Variants in NSL1 observed in about 807,000 individuals in gnomAD.
NSL1 encodes kinetochore-associated protein NSL1 homolog.
Under a neutral mutation model 25.4 loss-of-function variants are expected in NSL1, and 11 were observed. That is an observed-to-expected ratio of 0.43 (90% CI 0.27 to 0.72). The LOEUF (loss-of-function observed/expected upper bound fraction) is 0.72. Among genes scored for constraint, NSL1 ranks in the 30% least tolerant of loss-of-function variants. The pLI, the probability that NSL1 is intolerant of heterozygous loss-of-function variation, is 0.19. For missense variants in NSL1, 330 were observed against 342.7 expected, an observed-to-expected ratio of 0.96 and a Z score of 0.29; for synonymous variants, 118 against 120.6, an observed-to-expected ratio of 0.98 and a Z score of 0.14.
intron 2 of NSL1, among the ~76,000 whole-genome samples, chr1:212,786,235 G>A (rs1571924847): frequency 6.6e-6 from 1 of 152,116 alleles, no homozygotes; most frequent in Middle Eastern, 3.4e-3. Context: ...TGAGATTTTA[G>A]TGCACTCATC....
At chr1:212,778,570 C>T (rs1197040585) in intron 4 of NSL1, among the ~76,000 whole-genome samples, 1 of 152,140 alleles carries the variant, frequency 6.6e-6, no homozygotes, top group Non-Finnish European at 1.5e-5. Context: ...GACTGGTTTT[C>T]GTATTTTTTT....
At chr1:212,739,447 C>A in intron 5 of NSL1, 87 bp downstream of exon 5, 1 of 1,202,116 alleles carries the variant, frequency 8.3e-7, no homozygotes, top group South Asian at 1.4e-5. Flanking sequence ...CCTGTTAGAG[C>A]AGACTAAAAC....
chr1:212,753,743 T>C (rs1002677332), intron 4 of NSL1, among the ~76,000 whole-genome samples: 1 of 152,180 alleles, frequency 6.6e-6, no homozygotes, highest in Admixed American at 6.5e-5. Flanking sequence ...AAATATAATA[T>C]TAAAAAACTC....
rs377679385 is a variant in NSL1 at position 212,740,407 on chromosome 1, CA to C, written c.500-807del. On this transcript the variant is annotated intron_variant, in intron 4 of 5. Transcript: ENST00000366977. ...CATTTAGAAAAATGGAAATGAACCA[CA>C]AAAACAGCTTACTGAAAGAGGGCAC... 3.5e-3 allele frequency among the ~76,000 whole-genome samples: 533 copies of C among 152,086 alleles called. 7 individuals carry two copies. The highest frequency in any genetic ancestry group is 0.012 in the African/African-American group (510 of 41,498).
At chr1:212,768,900 C>G (rs1197096458) in intron 4 of NSL1, among the ~76,000 whole-genome samples, 1 of 152,036 alleles carries the variant, frequency 6.6e-6, no homozygotes, top group Non-Finnish European at 1.5e-5. Flanking sequence ...CAGACTAGAT[C>G]TAGCAGAATA....
Position 212,791,712 on chromosome 1 carries a change from G to C in NSL1, c.52C>G (p.Leu18Val). The change falls in exon 1 of 6, where the codon CTC becomes GTC. Residue 18 changes from leucine to valine, a missense_variant. Transcript: ENST00000366977. ...VVLDPPWDKE[L>V]AAGTESQALV... ...GCCTGGCTCTCTGTGCCAGCCGCGAGCTCCTTGTCCCATGGAGGGTCAAGG... is the reference window on the plus strand; with the variant it reads ...GCCTGGCTCTCTGTGCCAGCCGCGACCTCCTTGTCCCATGGAGGGTCAAGG... 1.2e-6 allele frequency: 2 copies of C among 1,613,906 alleles called. No homozygotes were observed. The highest frequency in any genetic ancestry group is 1.7e-6 in the Non-Finnish European group (2 of 1,179,944).
Position 212,730,893 on chromosome 1 carries a change from G to A in NSL1, c.*7515C>T, listed in dbSNP as rs548306332. The stretch of plus-strand genomic sequence containing the variant: ...TATAAATGCCACAAGCCATTAATGT[G>A]TGAGATTGTGATCCAGGGAAACCGA... On this transcript the variant is annotated 3_prime_UTR_variant, in exon 6 of 6. Transcript: ENST00000366977. The A allele has an allele frequency of 3.3e-5, 33 of 985,398 alleles. No individual in the cohort carries two copies. Among genetic ancestry groups the A allele is most frequent in the Admixed American group, 1.8e-4 (3 of 16,282 alleles). The allele number at this position is 985,398 out of a possible 1,614,324, so 61.0% of individuals were successfully genotyped here. A position where few individuals can be genotyped will look rare whatever the true frequency, so the allele number is the denominator to read the frequency against.
chr1:212,735,894 A>G lies in NSL1; in HGVS notation c.*2514T>C. ...TCTAGCCTCCAGAACTGTGAGAAGT[A>G]AGTATCTGTTGTTTAAGCCACCCAG... On this transcript the variant is annotated 3_prime_UTR_variant, in exon 6 of 6. Coordinates refer to ENST00000366977, the MANE Select transcript of NSL1 (RefSeq NM_015471.4). The G allele has an allele frequency of 1.1e-6, 1 of 934,210 alleles. No homozygotes were observed. The highest frequency in any genetic ancestry group is 1.8e-5 in the African/African-American group (1 of 56,364). 57.9% of individuals were successfully genotyped at this position (934,210 alleles called of 1,614,324 possible). A position where few individuals can be genotyped will look rare whatever the true frequency, so the allele number is the denominator to read the frequency against.
chr1:212,756,593 G>A (rs1049584420), intron 4 of NSL1, among the ~76,000 whole-genome samples: 1 of 152,194 alleles, frequency 6.6e-6, no homozygotes, highest in African/African-American at 2.4e-5. Context: ...GCCGAGGTGG[G>A]AGGATCACCC....
chr1:212,782,892 T>C (rs1269864279), intron 3 of NSL1, among the ~76,000 whole-genome samples: 2 of 152,144 alleles, frequency 1.3e-5, no homozygotes, highest in East Asian at 3.8e-4. Flanking sequence ...GAAATTATAG[T>C]AGCAGAATTA....
Position 212,730,273 on chromosome 1 carries a change from G to A in NSL1, c.*8135C>T, listed in dbSNP as rs150953024. On this transcript the variant is annotated 3_prime_UTR_variant, in exon 6 of 6. Transcript: ENST00000366977. ...AAAAAAAAAAAAAAAAAAGAAATGC[G>A]CCAAGTCTCAGGTATTTATGGACTG... 1.2e-5 allele frequency: 6 copies of A among 510,184 alleles called. No homozygotes were observed. Among genetic ancestry groups the A allele is most frequent in the South Asian group, 8.5e-5 (1 of 11,824 alleles). 31.6% of individuals were successfully genotyped at this position (510,184 alleles called of 1,614,324 possible).
intron 2 of NSL1, among the ~76,000 whole-genome samples, chr1:212,784,921 T>G (rs1307469751): frequency 6.6e-6 from 1 of 151,988 alleles, no homozygotes; most frequent in African/African-American, 2.4e-5. Context: ...ATAAGTCCAA[T>G]GGATAAAAAG....
At chr1:212,782,154 A>G in intron 4 of NSL1, 1 of 712,268 alleles carries the variant, frequency 1.4e-6, no homozygotes, top group East Asian at 2.6e-5. Flanking sequence ...ACTTTATAAA[A>G]GCTCAGATTC....
intron 4 of NSL1, among the ~76,000 whole-genome samples, chr1:212,771,090 G>C (rs1660083141): frequency 1.3e-5 from 2 of 152,164 alleles, no homozygotes; most frequent in Admixed American, 1.3e-4. Context: ...GAGGCAGGCG[G>C]ATCACCTGAG....
At chr1:212,759,375 T>A (rs538603550) in intron 4 of NSL1, among the ~76,000 whole-genome samples, 2 of 151,848 alleles carry the variant, frequency 1.3e-5, no homozygotes, top group African/African-American at 4.8e-5. Context: ...GAAAAAACAG[T>A]GGAATTCAGC....
At chr1:212,750,487 A>T (rs1659019116) in intron 4 of NSL1, among the ~76,000 whole-genome samples, 1 of 152,212 alleles carries the variant, frequency 6.6e-6, no homozygotes, top group Non-Finnish European at 1.5e-5. Context: ...AGGCCTAGAC[A>T]GCAGCCAGTC....
At position 212,727,555 on chromosome 1, in the gene NSL1, G is replaced by A. The variant is rs191273633; in HGVS notation, c.*10853C>T. 13 of 985,384 alleles carry A rather than the reference G, an allele frequency of 1.3e-5. No individual in the cohort carries two copies. In the East Asian group the frequency reaches 1.4e-3, roughly 103 times the overall value. 61.0% of individuals were successfully genotyped at this position (985,384 alleles called of 1,614,324 possible). On this transcript the variant is annotated 3_prime_UTR_variant, in exon 6 of 6. Transcript: ENST00000366977. Reference sequence around the variant, plus strand: ...AGAAAGGACAATGAATTAGACGTGTGCCACATACTTCTCTCAAAAACTTTA... The same window carrying A: ...AGAAAGGACAATGAATTAGACGTGTACCACATACTTCTCTCAAAAACTTTA...
At chr1:212,767,517 A>C (rs116692521) in intron 4 of NSL1, among the ~76,000 whole-genome samples, 2,921 of 152,322 alleles carry the variant, frequency 0.019, 80 homozygotes, top group African/African-American at 0.065. Context: ...TAGGCAAAGA[A>C]TTCATGACTA....
At chr1:212,740,079 T>C (rs1175356784) in intron 4 of NSL1, among the ~76,000 whole-genome samples, 1 of 152,192 alleles carries the variant, frequency 6.6e-6, no homozygotes, top group African/African-American at 2.4e-5. Context: ...CTAATACATA[T>C]TTTCTTCTTC....
Sources: gnomAD v4.1 joint callset for allele counts (sites outside exome capture counted in the v4.1 genomes callset) on GRCh38, gnomAD v4.1.1 for gene constraint, MANE v1.5 for transcripts, NCBI Gene and HGNC (gene_info 2026-07-23, HGNC 2026-07-21) for gene names.